FAM53A: variants seen among roughly 807,000 people sequenced by gnomAD.
The protein encoded by FAM53A is protein FAM53A.
Under a neutral mutation model 26.6 loss-of-function variants are expected in FAM53A, and 28 were observed. That is an observed-to-expected ratio of 1.05 (90% confidence interval 0.78 to 1.45). FAM53A has a LOEUF of 1.45. FAM53A is among the 40% of genes most tolerant of loss of function. FAM53A has a pLI of 0.00. For missense variants in FAM53A, 650 were observed against 575.8 expected (o/e 1.13, Z -1.32); for synonymous variants, 290 against 253.1 (o/e 1.15, Z -1.38).
chr4:1,670,650 G>GCCAAAAACCCCAGACT (rs1714573837), intron 1 of FAM53A, among the ~76,000 whole-genome samples: 1 of 152,180 alleles, frequency 6.6e-6, no homozygotes, highest in South Asian at 2.1e-4. Flanking sequence ...CCAGCCCACA[G>GCCAAAAACCCCAGACT]CCAAGAACCC....
At chr4:1,677,235 C>T (rs1232976653) in intron 1 of FAM53A, among the ~76,000 whole-genome samples, 2 of 152,210 alleles carry the variant, frequency 1.3e-5, no homozygotes, top group African/African-American at 2.4e-5. Context: ...ATGCTCAAGG[C>T]GCCTCAAGCA....
chr4:1,613,763 C>T (rs541827151), downstream of FAM53A, among the ~76,000 whole-genome samples: 1 of 152,304 alleles, frequency 6.6e-6, no homozygotes, highest in African/African-American at 2.4e-5. Flanking sequence ...AGGAGAAAAA[C>T]CACACAATTG....
At chr4:1,586,693 G>A in the FAM53A span, among the ~76,000 whole-genome samples, 1 of 148,802 alleles carries the variant, frequency 6.7e-6, no homozygotes, top group South Asian at 2.1e-4. Flanking sequence ...TGAGGCAGGA[G>A]AATGGTGTGA....
chr4:1,631,690 G>C lies in FAM53A; in HGVS notation c.432-13579C>G, dbSNP rs138869031. Among the ~76,000 whole-genome samples the C allele has an allele frequency of 1.2e-3, 175 of 151,978 alleles. 3 individuals carry two copies. In the East Asian group the frequency reaches 0.033, roughly 29 times the overall value. On this transcript the variant is annotated intron_variant, in intron 1 of 1. Transcript: ENST00000489029. Reference sequence around the variant, plus strand: ...AGCTATAGAAACACTGATTCAAGAAGCTAAAAAAAACAGCCAAATCAACCA... The same window carrying C: ...AGCTATAGAAACACTGATTCAAGAACCTAAAAAAAACAGCCAAATCAACCA...
chr4:1,683,582 T>G (rs762094841), intron 1 of FAM53A: 1 of 152,114 alleles, frequency 6.6e-6, no homozygotes, highest in African/African-American at 2.4e-5. Context: ...AGATAGATGA[T>G]CATAGAAACA....
chr4:1,588,093 C>T, the FAM53A span, among the ~76,000 whole-genome samples: 1 of 152,314 alleles, frequency 6.6e-6, no homozygotes, highest in Admixed American at 6.5e-5. Flanking sequence ...CTAAGTCAGC[C>T]ATCGGCGGCT....
At chr4:1,601,721 C>T in the FAM53A span, among the ~76,000 whole-genome samples, 3 of 109,750 alleles carry the variant, frequency 2.7e-5, 1 homozygote, top group Admixed American at 3.1e-4. Context: ...CACCCCCTGC[C>T]CCTGGGCTGT....
At chr4:1,641,798 G>C (rs939517598) in intron 4 of FAM53A, among the ~76,000 whole-genome samples, 191 bp from the exon 5 acceptor site, 1 of 151,836 alleles carries the variant, frequency 6.6e-6, no homozygotes, top group African/African-American at 2.4e-5. Context: ...GCCCATGCCC[G>C]CCCCAGCCCA....
intron 1 of FAM53A, among the ~76,000 whole-genome samples, chr4:1,669,490 G>A (rs752736786): frequency 3.9e-5 from 6 of 152,232 alleles, no homozygotes; most frequent in Non-Finnish European, 8.8e-5. Context: ...AGATCCGTCT[G>A]TACTGCAGGC....
intron 4 of FAM53A, among the ~76,000 whole-genome samples, chr4:1,648,585 A>G (rs897365151): frequency 6.6e-6 from 1 of 152,178 alleles, no homozygotes; most frequent in African/African-American, 2.4e-5. Flanking sequence ...TCTCCCCACA[A>G]ACCTTTTTAC....
chr4:1,670,259 G>A (rs1161790816), intron 1 of FAM53A, among the ~76,000 whole-genome samples: 2 of 152,258 alleles, frequency 1.3e-5, no homozygotes, highest in Non-Finnish European at 2.9e-5. Flanking sequence ...CGCTTAAAAT[G>A]TACACACACA....
intron 2 of FAM53A, among the ~76,000 whole-genome samples, chr4:1,658,543 G>A (rs1163531068): frequency 6.6e-6 from 1 of 152,232 alleles, no homozygotes; most frequent in Non-Finnish European, 1.5e-5. Flanking sequence ...GTGTGGTGCT[G>A]GTCCAGGGAG....
chr4:1,623,886 G>T (rs1240976745), intron 1 of FAM53A, among the ~76,000 whole-genome samples: 1 of 152,220 alleles, frequency 6.6e-6, no homozygotes, highest in Non-Finnish European at 1.5e-5. Context: ...CTCCCTCTCT[G>T]GCGGGCGGGG....
chr4:1,666,727 C>T lies in FAM53A; in HGVS notation c.75+1940G>A, dbSNP rs1015397322. 2.6e-5 allele frequency among the ~76,000 whole-genome samples: 4 copies of T among 152,276 alleles called. No homozygotes were observed. In the East Asian group the frequency reaches 5.8e-4, roughly 22 times the overall value. On this transcript the variant is annotated intron_variant, in intron 2 of 4. Coordinates refer to ENST00000308132, the MANE Select transcript of FAM53A (RefSeq NM_001174070.3). ...AATCAAAAGGAAAAATGGGGCCAGG[C>T]GCAGTGGCTCACGCCTGTAATCCCA...
intron 4 of FAM53A, among the ~76,000 whole-genome samples, chr4:1,646,823 T>C (rs1306427974): frequency 6.6e-6 from 1 of 152,192 alleles, no homozygotes; most frequent in East Asian, 1.9e-4. Flanking sequence ...TAGGAAGCTG[T>C]TTCTTTCTCT....
rs146849346 is a variant in FAM53A at position 1,627,224 on chromosome 4, A to T, written c.432-9113T>A. Among the ~76,000 whole-genome samples, 676 of 152,250 alleles carry T rather than the reference A, an allele frequency of 4.4e-3. 3 individuals are homozygous for T. Among genetic ancestry groups the T allele is most frequent in the Non-Finnish European group, 7.3e-3 (495 of 67,998 alleles). The stretch of plus-strand genomic sequence containing the variant: ...CTGGGCACTCAGGGCCCAGCCCAGC[A>T]GGAGAAGGGAACACGACCACTACCA... On this transcript the variant is annotated intron_variant, in intron 1 of 1. Transcript: ENST00000489029.
intron 4 of FAM53A, among the ~76,000 whole-genome samples, chr4:1,643,064 C>T (rs890742238): frequency 1.3e-5 from 2 of 152,212 alleles, no homozygotes; most frequent in Non-Finnish European, 2.9e-5. Context: ...ACCCCACAGA[C>T]GGGAACCTCA....
chr4:1,672,197 G>C (rs1169245468), intron 1 of FAM53A, among the ~76,000 whole-genome samples: 1 of 82,466 alleles, frequency 1.2e-5, no homozygotes, highest in East Asian at 2.2e-4. Context: ...CACGGACCCA[G>C]GAACCAGGAA....
At chr4:1,619,679 T>C (rs1714943880) in intron 1 of FAM53A, among the ~76,000 whole-genome samples, 1 of 151,954 alleles carries the variant, frequency 6.6e-6, no homozygotes, top group Admixed American at 6.5e-5. Context: ...GCACCGGCCT[T>C]GCGCTTTGTC....
Sources: gnomAD v4.1 joint callset for allele counts (sites outside exome capture counted in the v4.1 genomes callset) on GRCh38, gnomAD v4.1.1 for gene constraint, MANE v1.5 for transcripts, NCBI Gene and HGNC (gene_info 2026-07-23, HGNC 2026-07-21) for gene names.